Variants in TMEM18 observed in about 807,000 individuals in gnomAD.
The protein encoded by TMEM18 is transmembrane protein 18.
In TMEM18, 14 loss-of-function variants were observed where a neutral mutation model predicts 17.4. The ratio of observed to expected loss-of-function variants is 0.80; its 90% CI spans 0.53 to 1.25. The LOEUF is 1.25. Among genes scored for constraint, TMEM18 ranks in the 50% most tolerant of loss-of-function variants. The pLI is 0.00. For synonymous variants in TMEM18, 86 were observed against 66.1 expected, an observed-to-expected ratio of 1.30 and a Z score of -1.46; for missense variants, 187 against 172.1, an observed-to-expected ratio of 1.09 and a Z score of -0.48.
Position 676,492 on chromosome 2 carries a change from C to G in TMEM18, c.57+797G>C, listed in dbSNP as rs935431557. ...TCCAGAACTCCTGTGTCACTACTCT[C>G]TGCTGGGGACCGCAGCGGCTTCTCC... On this transcript the variant is annotated intron_variant, in intron 1 of 4. Transcript: ENST00000281017. 20 of 1,507,484 alleles carry G rather than the reference C, an allele frequency of 1.3e-5. 1 individual carries two copies. The highest frequency in any genetic ancestry group is 1.1e-5 in the Non-Finnish European group (12 of 1,116,310). The allele number at this position is 1,507,484 out of a possible 1,614,324, so 93.4% of individuals were successfully genotyped here. A position where few individuals can be genotyped will look rare whatever the true frequency, so the allele number is the denominator to read the frequency against.
In TMEM18 at chr2:677,396, A is replaced by AT; in HGVS notation, c.-52_-51insA. ...CAACCGCCGAACCCGGCCTGGCCAGAATCCACAGAGGAGGGCGCCAAATCC... is the reference window on the plus strand; with the variant it reads ...CAACCGCCGAACCCGGCCTGGCCAGATATCCACAGAGGAGGGCGCCAAATCC... On this transcript the variant is annotated 5_prime_UTR_variant, in exon 1 of 5. Transcript: ENST00000281017. 1.3e-6 allele frequency: 2 copies of AT among 1,597,374 alleles called. No individual in the cohort carries two copies. Among genetic ancestry groups the AT allele is most frequent in the South Asian group, 2.3e-5 (2 of 88,302 alleles).
At chr2:672,733 A>C in intron 3 of TMEM18, 75 bp downstream of exon 3, 1 of 1,315,638 alleles carries the variant, frequency 7.6e-7, no homozygotes, top group South Asian at 1.9e-5. Flanking sequence ...CTCCTCCGCG[A>C]GTCCCACCGG....
In TMEM18 at chr2:676,599, G is replaced by C; in HGVS notation, c.57+690C>G. 3 of 1,550,512 alleles carry C rather than the reference G, an allele frequency of 1.9e-6. No homozygotes were observed. The South Asian group carries it at 3.6e-5, about 18-fold the overall frequency. On this transcript the variant is annotated intron_variant, in intron 1 of 4. Transcript: ENST00000281017. ...CAGAAGACCAGAGGCACGGAGGTGA[G>C]GGGAGCACGGCTTTCTGCCCAGACC...
rs1400724920 is a variant in TMEM18, at chr2:666,883, G to A, written c.*2697C>T. 6.6e-6 allele frequency among the ~76,000 whole-genome samples: 1 copy of A among 152,136 alleles called. No homozygotes were observed. The highest frequency in any genetic ancestry group is 6.5e-5 in the Admixed American group (1 of 15,274). ...CACTGAAATCCAGACAAGGAAGCCT[G>A]AAGTTCTTTTCCAGGGAAAAGATGC... On this transcript the variant is annotated 3_prime_UTR_variant, in exon 5 of 5. Transcript: ENST00000281017.
At chr2:672,333 G>A (rs1678870825) in intron 3 of TMEM18, among the ~76,000 whole-genome samples, 1 of 152,104 alleles carries the variant, frequency 6.6e-6, no homozygotes, top group Non-Finnish European at 1.5e-5. Flanking sequence ...GGCAGAGGAC[G>A]CAGGGCCAGG....
rs1283621076 is a variant in TMEM18, at chr2:667,257, C to A, written c.*2323G>T. ...GCCAGCCAAAGGTGGAGCTAAGTTC[C>A]AGGTGCTCCTGTTTCCAGTTACAGT... On this transcript the variant is annotated 3_prime_UTR_variant, in exon 5 of 5. Coordinates refer to ENST00000281017, the MANE Select transcript of TMEM18 (RefSeq NM_152834.4). 4 of 151,990 alleles carry A rather than the reference C, an allele frequency of 2.6e-5. No individual in the cohort carries two copies. Among genetic ancestry groups the A allele is most frequent in the Admixed American group, 2.0e-4 (3 of 15,256 alleles). 9.4% of individuals were successfully genotyped at this position (151,990 alleles called of 1,614,324 possible).
At chr2:676,479 G>GTAAA (rs71693768) in intron 1 of TMEM18, 2 of 1,328,550 alleles carry the variant, frequency 1.5e-6, no homozygotes, top group Non-Finnish European at 1.9e-6. Context: ...CAGAACTCCT[G>GTAAA]TGTCACTACT....
rs1678687215 is a variant in TMEM18, at chr2:666,287, G to A, written c.*3293C>T. Reference sequence around the variant, plus strand: ...TAGGCCTCTGCTTGGCTGCCTGAAGGCTGCAGGGAGCTCCTTCTCTGTCCT... The same window carrying A: ...TAGGCCTCTGCTTGGCTGCCTGAAGACTGCAGGGAGCTCCTTCTCTGTCCT... On this transcript the variant is annotated 3_prime_UTR_variant, in exon 5 of 5. Coordinates refer to ENST00000281017, the MANE Select transcript of TMEM18 (RefSeq NM_152834.4). Among the ~76,000 whole-genome samples the A allele has an allele frequency of 1.3e-5, 2 of 152,212 alleles. No homozygotes were observed. The highest frequency in any genetic ancestry group is 4.8e-5 in the African/African-American group (2 of 41,458).
Position 665,874 on chromosome 2 carries a change from A to G in TMEM18, c.*3706T>C, listed in dbSNP as rs1678675292. On this transcript the variant is annotated 3_prime_UTR_variant, in exon 5 of 5. Coordinates refer to ENST00000281017, the MANE Select transcript of TMEM18 (RefSeq NM_152834.4). ...GATGCCCCACTCACTCAGATGGAGCATCAACCCCACACACAACAGGACTCA... is the reference window on the plus strand; with the variant it reads ...GATGCCCCACTCACTCAGATGGAGCGTCAACCCCACACACAACAGGACTCA... Among the ~76,000 whole-genome samples the G allele has an allele frequency of 1.3e-5, 2 of 152,244 alleles. No homozygotes were observed. The highest frequency in any genetic ancestry group is 1.3e-4 in the Admixed American group (2 of 15,284).
intron 2 of TMEM18, among the ~76,000 whole-genome samples, chr2:673,867 G>A (rs1254183006): frequency 3.3e-5 from 5 of 151,652 alleles, no homozygotes; most frequent in South Asian, 2.1e-4. Context: ...GCATGGGTGC[G>A]GGGAGGAAGG....
chr2:669,387 T>C lies in TMEM18; in HGVS notation c.*193A>G, dbSNP rs1269665418. The C allele has an allele frequency of 4.7e-6, 3 of 635,230 alleles. No individual in the cohort carries two copies. Among genetic ancestry groups the C allele is most frequent in the Non-Finnish European group, 8.4e-6 (3 of 356,456 alleles). The allele number at this position is 635,230 out of a possible 1,614,324, so 39.3% of individuals were successfully genotyped here. ...AAGATCAGGCACCTGAAGACGCATG[T>C]CCTGATGGATACATTCAGTGCTGGC... On this transcript the variant is annotated 3_prime_UTR_variant, in exon 5 of 5. Transcript: ENST00000281017.
At chr2:676,398 C>A (rs1048278256) in intron 1 of TMEM18, 1 of 1,354,294 alleles carries the variant, frequency 7.4e-7, no homozygotes, top group African/African-American at 1.4e-5. Context: ...GCCCTCCAAG[C>A]TGCAGCCCCG....
intron 1 of TMEM18, chr2:676,684 T>C (rs1294558572): frequency 6.5e-7 from 1 of 1,532,138 alleles, no homozygotes; most frequent in South Asian, 1.2e-5. Context: ...CCCTGGGATC[T>C]GTCAGACGAA....
intron 4 of TMEM18, 33 bp downstream of exon 4, chr2:669,721 CATG>C: frequency 1.2e-5 from 19 of 1,613,928 alleles, no homozygotes; most frequent in Non-Finnish European, 1.5e-5. Flanking sequence ...AAAACATACA[CATG>C]AAGAAAGACA....
At chr2:673,339 A>G (rs1678904005) in intron 2 of TMEM18, among the ~76,000 whole-genome samples, 1 of 152,106 alleles carries the variant, frequency 6.6e-6, no homozygotes, top group South Asian at 2.1e-4. Context: ...GGGAGCGAAC[A>G]GCTTTGGGGT....
Position 665,329 on chromosome 2 carries a change from A to G in TMEM18, c.*4251T>C, listed in dbSNP as rs903129872. Among the ~76,000 whole-genome samples the G allele has an allele frequency of 1.3e-5, 2 of 152,076 alleles. No individual in the cohort carries two copies. Among genetic ancestry groups the G allele is most frequent in the Non-Finnish European group, 2.9e-5 (2 of 68,010 alleles). ...CACATAAAATAGAACCCAGAGATGC[A>G]GATGCACCACTCACTCAGATAGAGA... On this transcript the variant is annotated 3_prime_UTR_variant, in exon 5 of 5. Transcript: ENST00000281017.
Position 669,626 on chromosome 2 carries a change from G to A in TMEM18, c.377C>T (p.Ala126Val). 1 of 1,614,154 alleles carries A rather than the reference G, an allele frequency of 6.2e-7. No individual in the cohort carries two copies. Among genetic ancestry groups the A allele is most frequent in the South Asian group, 1.1e-5 (1 of 91,078 alleles). Residue 126 changes from alanine to valine, a missense_variant, in exon 5 of 5, where the codon GCA (alanine) becomes GTA (valine). Physicochemically the swap from Ala to Val is moderately conservative, Grantham distance 64 (BLOSUM62 0). Coordinates refer to ENST00000281017, the MANE Select transcript of TMEM18 (RefSeq NM_152834.4). ...TLNVMTDLKN[A>V]QERRKEKKRR... ...TTTCTTTTCCTTTCTTCTCTCTTGT[G>A]CATTCTTCAGGTCAGTCATCACATT... is the stretch of plus-strand genomic sequence containing the variant.
intron 2 of TMEM18, 38 bp from the exon 3 acceptor site, chr2:672,900 C>T: frequency 6.7e-7 from 1 of 1,485,202 alleles, no homozygotes; most frequent in Non-Finnish European, 8.9e-7. Flanking sequence ...ATTTAGATGG[C>T]CCGTTATTAC....
In TMEM18 at chr2:674,316, T is replaced by C. The variant is rs1433927585; in HGVS notation, c.178+1194A>G. 2.0e-5 allele frequency among the ~76,000 whole-genome samples: 3 copies of C among 152,210 alleles called. No homozygotes were observed. The South Asian group carries it at 6.2e-4, about 32-fold the overall frequency. ...TTTGAGATGCCTGCCTCAGGGCCTC[T>C]GCGTGGGGCACTTGCTCCTGCCCTC... is the stretch of plus-strand genomic sequence containing the variant. On this transcript the variant is annotated intron_variant, in intron 2 of 4. Transcript: ENST00000281017.
Sources: gnomAD v4.1 joint callset for allele counts (sites outside exome capture counted in the v4.1 genomes callset) on GRCh38, gnomAD v4.1.1 for gene constraint, MANE v1.5 for transcripts, NCBI Gene and HGNC (gene_info 2026-07-23, HGNC 2026-07-21) for gene names.